The following WWOX variants were observed in gnomAD, a reference collection of about 807,000 sequenced individuals.
WWOX encodes WW domain containing oxidoreductase, also known as WW domain-containing oxidoreductase.
Under a neutral mutation model 46.2 loss-of-function variants are expected in WWOX, and 69 were observed. That is an observed-to-expected ratio of 1.49 (90% CI 1.23 to 1.82). The LOEUF is 1.82. Among genes scored for constraint, WWOX ranks in the 40% most tolerant of loss-of-function variants. The pLI, the probability that WWOX is intolerant of heterozygous loss-of-function variation, is 0.00. For missense variants in WWOX, 919 were observed against 542.6 expected, an observed-to-expected ratio of 1.69 and a Z score of -6.89; for synonymous variants, 359 against 202.6, an observed-to-expected ratio of 1.77 and a Z score of -6.56.
At chr16:78,597,664 A>T (rs1428780559) in intron 8 of WWOX, among the ~76,000 whole-genome samples, 1 of 151,854 alleles carries the variant, frequency 6.6e-6, no homozygotes, top group African/African-American at 2.4e-5. Flanking sequence ...TGCTTTCCAA[A>T]CCCCTAAATT....
intron 8 of WWOX, among the ~76,000 whole-genome samples, chr16:78,433,826 G>T (rs1447335499): frequency 8.7e-6 from 1 of 114,332 alleles, no homozygotes; most frequent in African/African-American, 3.3e-5. Flanking sequence ...GTCTCGCTCT[G>T]TCGCCCAGGC....
At position 79,130,949 on chromosome 16, in the gene WWOX, C is replaced by T. The variant is rs183094283; in HGVS notation, c.1057-80659C>T. Among the ~76,000 whole-genome samples, 9 of 152,268 alleles carry T rather than the reference C, an allele frequency of 5.9e-5. No homozygotes were observed. In the East Asian group the frequency reaches 7.7e-4, roughly 13 times the overall value. On this transcript the variant is annotated intron_variant, in intron 8 of 8. Transcript: ENST00000566780. ...CCGAAGAGACCACTGCATTGTTGGCCATAAGTGAAACTAGTGAGATGTGTG... is the reference window on the plus strand; with the variant it reads ...CCGAAGAGACCACTGCATTGTTGGCTATAAGTGAAACTAGTGAGATGTGTG...
rs193178333 is a variant in WWOX at position 78,131,826 on chromosome 16, C to G, written c.409+16672C>G. Among the ~76,000 whole-genome samples the G allele has an allele frequency of 1.8e-3, 275 of 151,198 alleles. 1 individual carries two copies. The highest frequency in any genetic ancestry group is 6.2e-3 in the African/African-American group (256 of 41,160). ...GTGTTGAACTCCTGACCTCGTGATCCTCCTACGTCGGCCTCCCAAAGTGCT... is the reference window on the plus strand; with the variant it reads ...GTGTTGAACTCCTGACCTCGTGATCGTCCTACGTCGGCCTCCCAAAGTGCT... On this transcript the variant is annotated intron_variant, in intron 4 of 8. Coordinates refer to ENST00000566780, the MANE Select transcript of WWOX (RefSeq NM_016373.4).
intron 8 of WWOX, among the ~76,000 whole-genome samples, chr16:79,094,871 C>T (rs1370226785): frequency 1.3e-5 from 2 of 152,064 alleles, no homozygotes; most frequent in African/African-American, 2.4e-5. Context: ...CTGTGTCTAC[C>T]CCAGAGTGTC....
At chr16:78,711,119 C>T (rs1397374215) in intron 8 of WWOX, among the ~76,000 whole-genome samples, 4 of 152,180 alleles carry the variant, frequency 2.6e-5, no homozygotes, top group Non-Finnish European at 5.9e-5. Context: ...TTAAAGCCTG[C>T]TGGCTAAATT....
At chr16:79,128,956 A>C (rs963775931) in intron 8 of WWOX, among the ~76,000 whole-genome samples, 1 of 152,182 alleles carries the variant, frequency 6.6e-6, no homozygotes, top group Non-Finnish European at 1.5e-5. Flanking sequence ...CTGAGGCATC[A>C]CCAAAGGGGG....
chr16:78,383,558 A>G (rs1025601710), intron 5 of WWOX, among the ~76,000 whole-genome samples: 6 of 152,142 alleles, frequency 3.9e-5, no homozygotes, highest in African/African-American at 1.4e-4. Flanking sequence ...TCCGTTTGCA[A>G]TCTGTCAGCC....
At chr16:79,023,052 CA>C in intron 8 of WWOX, among the ~76,000 whole-genome samples, 1 of 149,326 alleles carries the variant, frequency 6.7e-6, no homozygotes, top group South Asian at 2.1e-4. Context: ...ATTGAAAAAA[CA>C]AAAATAATAC....
chr16:78,781,056 A>G (rs1421625911), intron 8 of WWOX, among the ~76,000 whole-genome samples: 2 of 152,152 alleles, frequency 1.3e-5, no homozygotes, highest in Non-Finnish European at 2.9e-5. Flanking sequence ...TGCAGCTGCA[A>G]CCTCAAAACA....
rs978399447 is a variant in WWOX at position 78,249,543 on chromosome 16, C to T, written c.516+85254C>T. ...AGGGCAGAAACATTTTCAGGAGCAG[C>T]CTGGGCTGAGTTTTTAATGTGGCAG... On this transcript the variant is annotated intron_variant, in intron 5 of 8. Transcript: ENST00000566780. Among the ~76,000 whole-genome samples, 72 of 152,276 alleles carry T rather than the reference C, an allele frequency of 4.7e-4. 1 individual carries two copies. Among genetic ancestry groups the T allele is most frequent in the Admixed American group, 1.1e-3 (17 of 15,292 alleles).
At chr16:78,274,574 A>G (rs921512740) in intron 5 of WWOX, among the ~76,000 whole-genome samples, 45 of 152,096 alleles carry the variant, frequency 3.0e-4, no homozygotes, top group African/African-American at 1.1e-3. Context: ...GTCTCCTTCC[A>G]TTCTGGTGAA....
intron 5 of WWOX, among the ~76,000 whole-genome samples, chr16:78,257,330 A>C (rs771728262): frequency 4.6e-5 from 7 of 152,174 alleles, no homozygotes; most frequent in Non-Finnish European, 7.3e-5. Context: ...CAATGATTGA[A>C]ATATTTGCAA....
At chr16:78,918,550 T>G (rs9925595) in intron 8 of WWOX, among the ~76,000 whole-genome samples, 2 of 151,896 alleles carry the variant, frequency 1.3e-5, no homozygotes, top group Non-Finnish European at 2.9e-5. Context: ...TAAGAAAACT[T>G]TTTCTTCTTT....
At chr16:78,477,912 T>C (rs975893488) in intron 8 of WWOX, among the ~76,000 whole-genome samples, 17 of 152,222 alleles carry the variant, frequency 1.1e-4, no homozygotes, top group Non-Finnish European at 2.1e-4. Flanking sequence ...GAAAAAGATA[T>C]TCTGGTTATG....
intron 8 of WWOX, among the ~76,000 whole-genome samples, chr16:78,669,668 A>G (rs2142198649): frequency 6.6e-6 from 1 of 152,340 alleles, no homozygotes; most frequent in Non-Finnish European, 1.5e-5. Context: ...TTCTGTTCCA[A>G]AAGTATTATA....
intron 8 of WWOX, among the ~76,000 whole-genome samples, chr16:78,545,582 A>G (rs2044010213): frequency 1.3e-5 from 2 of 152,304 alleles, no homozygotes; most frequent in African/African-American, 4.8e-5. Context: ...TGGAGAGACC[A>G]CAGTGATGCC....
chr16:78,664,629 G>C (rs1007973380), intron 8 of WWOX, among the ~76,000 whole-genome samples: 7 of 152,162 alleles, frequency 4.6e-5, no homozygotes, highest in African/African-American at 9.7e-5. Flanking sequence ...CCCTTTTCCA[G>C]ATGAGCCCGG....
chr16:78,600,234 T>A (rs1597329182), intron 8 of WWOX, among the ~76,000 whole-genome samples: 1 of 151,998 alleles, frequency 6.6e-6, no homozygotes, highest in Admixed American at 6.5e-5. Context: ...ATGGGAATTG[T>A]GGGAGCGACA....
chr16:79,076,617 C>G (rs995209855), intron 8 of WWOX, among the ~76,000 whole-genome samples: 12 of 152,156 alleles, frequency 7.9e-5, no homozygotes, highest in Admixed American at 1.3e-4. Flanking sequence ...CACAGTGATT[C>G]TATCTGTACC....
Sources: allele counts gnomAD v4.1 joint callset (sites outside exome capture counted in the v4.1 genomes callset), GRCh38; gene constraint gnomAD v4.1.1; transcripts MANE v1.5; gene names NCBI Gene and HGNC (gene_info 2026-07-23, HGNC 2026-07-21).